Variants in ADAMTS2 observed in about 807,000 individuals in gnomAD.
ADAMTS2 encodes the protein A disintegrin and metalloproteinase with thrombospondin motifs 2.
Under a neutral mutation model 123.0 loss-of-function variants are expected in ADAMTS2, and 50 were observed. The observed-to-expected ratio is 0.41, with a 90% confidence interval of 0.32 to 0.51. The LOEUF (loss-of-function observed/expected upper bound fraction) is 0.51. Ranked by LOEUF, ADAMTS2 falls within the 20% of genes least tolerant of loss-of-function variation. ADAMTS2 has a pLI of 0.35. For synonymous variants in ADAMTS2, 678 were observed against 695.4 expected, an observed-to-expected ratio of 0.98 and a Z score of 0.39; for missense variants, 1,494 against 1,705.2, an observed-to-expected ratio of 0.88 and a Z score of 2.18.
At chr5:179,253,323 T>A (rs985781129) in intron 3 of ADAMTS2, among the ~76,000 whole-genome samples, 1 of 152,168 alleles carries the variant, frequency 6.6e-6, no homozygotes, top group Non-Finnish European at 1.5e-5. Context: ...TCTGTCCTTT[T>A]TTCTCCTTTA....
At position 179,155,151 on chromosome 5, in the gene ADAMTS2, T is replaced by G. The variant is rs1763444149; in HGVS notation, c.1133-232A>C. Among the ~76,000 whole-genome samples the G allele has an allele frequency of 6.6e-6, 1 of 152,232 alleles. No homozygotes were observed. Among genetic ancestry groups the G allele is most frequent in the Middle Eastern group, 3.2e-3 (1 of 316 alleles). ...GTCACCACACAAGCCCCGTGGCCGT[T>G]CTGCCTGTAACAGCCACACTGCAGC... On this transcript the variant is annotated intron_variant, in intron 6 of 21. Coordinates refer to ENST00000251582, the MANE Select transcript of ADAMTS2 (RefSeq NM_014244.5). This position sits in a 1 kb window ranked among gnomAD's most constrained non-coding sequence, Gnocchi z 5.1.
At chr5:179,182,846 G>A (rs541198543) in intron 4 of ADAMTS2, among the ~76,000 whole-genome samples, 8 of 152,206 alleles carry the variant, frequency 5.3e-5, no homozygotes, top group Non-Finnish European at 1.0e-4. Flanking sequence ...CCCTGTAGGC[G>A]CTGAGGGTTA....
rs567838639 is a variant in ADAMTS2 at position 179,142,304 on chromosome 5, G to A, written c.1630-2269C>T. 1.0e-3 allele frequency among the ~76,000 whole-genome samples: 158 copies of A among 152,308 alleles called. 1 individual carries two copies. The highest frequency in any genetic ancestry group is 1.2e-3 in the Non-Finnish European group (85 of 68,024). ...ATCTGAAATGCTCGGAACCAGAAGC[G>A]TTTGGAACCAGAAGTGTTTCGGATT... is the stretch of plus-strand genomic sequence containing the variant. On this transcript the variant is annotated intron_variant, in intron 10 of 21. Transcript: ENST00000251582.
chr5:179,287,872 A>G (rs999090831), intron 2 of ADAMTS2, among the ~76,000 whole-genome samples: 3 of 152,218 alleles, frequency 2.0e-5, no homozygotes, highest in Non-Finnish European at 4.4e-5. Context: ...GGCAGACAGG[A>G]ACTCCCATGG....
chr5:179,338,743 T>C (rs758818570), intron 2 of ADAMTS2, among the ~76,000 whole-genome samples: 2 of 152,122 alleles, frequency 1.3e-5, no homozygotes, highest in Non-Finnish European at 2.9e-5. Flanking sequence ...TGACATGAGT[T>C]GCTGCATGGT....
intron 2 of ADAMTS2, among the ~76,000 whole-genome samples, chr5:179,277,317 T>C (rs1766725894): frequency 1.7e-4 from 1 of 5,940 alleles, no homozygotes; most frequent in Non-Finnish European, 1.2e-3. Context: ...GACCAAAGGC[T>C]GACACCCCGA....
chr5:179,288,546 C>T (rs1357397140), intron 2 of ADAMTS2, among the ~76,000 whole-genome samples: 1 of 152,202 alleles, frequency 6.6e-6, no homozygotes, highest in East Asian at 1.9e-4. Flanking sequence ...GGGGGAGGGG[C>T]GGGGGCAGGG....
intron 2 of ADAMTS2, among the ~76,000 whole-genome samples, chr5:179,337,432 C>T (rs1757643843): frequency 6.6e-6 from 1 of 152,238 alleles, no homozygotes; most frequent in African/African-American, 2.4e-5. Context: ...CACCCCCACA[C>T]GCACACTGCA....
chr5:179,134,808 C>G (rs866460824), intron 13 of ADAMTS2, among the ~76,000 whole-genome samples: 50 of 117,904 alleles, frequency 4.2e-4, no homozygotes, highest in African/African-American at 1.6e-3. Flanking sequence ...CCCCAGCTCC[C>G]GGCTCCAGCC....
chr5:179,152,376 G>A (rs560993922), intron 9 of ADAMTS2, 121 bp from the exon 10 acceptor site: 76 of 911,386 alleles, frequency 8.3e-5, no homozygotes, highest in Admixed American at 1.6e-4. Context: ...TGATGGGCCC[G>A]TGAGGCTGGT....
At chr5:179,177,034 C>T (rs1213586759) in intron 5 of ADAMTS2, among the ~76,000 whole-genome samples, 1 of 152,232 alleles carries the variant, frequency 6.6e-6, no homozygotes, top group Non-Finnish European at 1.5e-5. Flanking sequence ...CTCCTCCATC[C>T]AGCCCTGAGC....
chr5:179,199,349 G>A (rs1282592460), intron 4 of ADAMTS2, among the ~76,000 whole-genome samples: 3 of 152,200 alleles, frequency 2.0e-5, no homozygotes, highest in Non-Finnish European at 2.9e-5. Flanking sequence ...CAGGGCAGGC[G>A]TGGTGGTGGC....
rs1762591822 is a variant in ADAMTS2 at position 179,112,798 on chromosome 5, G to A, written c.*1069C>T. 6.6e-6 allele frequency: 1 copy of A among 152,280 alleles called. No individual in the cohort carries two copies. The highest frequency in any genetic ancestry group is 3.2e-3 in the Middle Eastern group (1 of 316). 9.4% of individuals were successfully genotyped at this position (152,280 alleles called of 1,614,324 possible). On this transcript the variant is annotated 3_prime_UTR_variant, in exon 22 of 22. Coordinates refer to ENST00000251582, the MANE Select transcript of ADAMTS2 (RefSeq NM_014244.5). ...TCATCTTTCTCAGGTACTTGGGGAGGGAAGAGGCTCTCTGGGGAGCCCTGG... is the reference window on the plus strand; with the variant it reads ...TCATCTTTCTCAGGTACTTGGGGAGAGAAGAGGCTCTCTGGGGAGCCCTGG...
At position 179,242,952 on chromosome 5, in the gene ADAMTS2, C is replaced by G. The variant is rs1057367002; in HGVS notation, c.688+29959G>C. ...TGCAGCAGGGCGAGAGTGCTGGGCTCCTAATCACCCTAAGTCCAGCCTGCT... is the reference window on the plus strand; with the variant it reads ...TGCAGCAGGGCGAGAGTGCTGGGCTGCTAATCACCCTAAGTCCAGCCTGCT... On this transcript the variant is annotated intron_variant, in intron 3 of 21. Transcript: ENST00000251582. This position sits in a 1 kb window ranked among gnomAD's most constrained non-coding sequence, Gnocchi z 4.2. Among the ~76,000 whole-genome samples, 1 of 152,124 alleles carries G rather than the reference C, an allele frequency of 6.6e-6. No homozygotes were observed. The highest frequency in any genetic ancestry group is 2.4e-5 in the African/African-American group (1 of 41,420).
In ADAMTS2 at chr5:179,225,004, G is replaced by A. The variant is rs901440293; in HGVS notation, c.689-17289C>T. ...GCCTCACAGTGGCTGAAGCTTCCCGGGCCGCAGTTCACGCCCCACTTGTTT... is the reference window on the plus strand; with the variant it reads ...GCCTCACAGTGGCTGAAGCTTCCCGAGCCGCAGTTCACGCCCCACTTGTTT... On this transcript the variant is annotated intron_variant, in intron 3 of 21. Transcript: ENST00000251582. This position sits in a 1 kb window ranked among gnomAD's most constrained non-coding sequence, Gnocchi z 4.5. Among the ~76,000 whole-genome samples, 9 of 152,192 alleles carry A rather than the reference G, an allele frequency of 5.9e-5. No homozygotes were observed. Among genetic ancestry groups the A allele is most frequent in the African/African-American group, 2.2e-4 (9 of 41,448 alleles).
chr5:179,249,917 T>C (rs931552565), intron 3 of ADAMTS2, among the ~76,000 whole-genome samples: 2 of 152,180 alleles, frequency 1.3e-5, no homozygotes, highest in Admixed American at 6.5e-5. Context: ...ATGTCTCTTA[T>C]AAATATAGGT....
chr5:179,249,392 A>G (rs1358661136), intron 3 of ADAMTS2, among the ~76,000 whole-genome samples: 1 of 152,138 alleles, frequency 6.6e-6, no homozygotes, highest in Admixed American at 6.5e-5. Flanking sequence ...AAAGGAAATA[A>G]TCAAGATTAT....
intron 3 of ADAMTS2, among the ~76,000 whole-genome samples, chr5:179,219,092 C>T (rs1165082107): frequency 2.0e-5 from 3 of 152,120 alleles, no homozygotes; most frequent in African/African-American, 7.2e-5. Context: ...CCAGGAGTGC[C>T]CAAGGGGTCC....
chr5:179,248,905 T>C (rs1196250775), intron 3 of ADAMTS2, among the ~76,000 whole-genome samples: 1 of 152,078 alleles, frequency 6.6e-6, no homozygotes, highest in Non-Finnish European at 1.5e-5. Flanking sequence ...CAGACATACA[T>C]AGAGCACCCC....
Sources: allele counts gnomAD v4.1 joint callset (sites outside exome capture counted in the v4.1 genomes callset), GRCh38; gene constraint gnomAD v4.1.1; non-coding constraint Gnocchi (gnomAD v3.1); transcripts MANE v1.5; gene names NCBI Gene and HGNC (gene_info 2026-07-23, HGNC 2026-07-21).